CCNH: variants seen among roughly 807,000 people sequenced by gnomAD.
CCNH encodes the protein cyclin H, also known as cyclin-H.
In CCNH, 31 loss-of-function variants were observed where a neutral mutation model predicts 41.9. The observed-to-expected ratio is 0.74, with a 90% confidence interval of 0.56 to 1.00. The LOEUF is 1.00. Among genes scored for constraint, CCNH ranks in the 50% least tolerant of loss-of-function variants. The probability of loss-of-function intolerance (pLI) is 0.00; values close to 1 mark genes in which losing one functional copy is unlikely to be tolerated. For synonymous variants in CCNH, 138 were observed against 136.1 expected, an observed-to-expected ratio of 1.01 and a Z score of -0.10; for missense variants, 362 against 388.4, an observed-to-expected ratio of 0.93 and a Z score of 0.57.
At chr5:87,398,142 G>T (rs1252344402) in intron 7 of CCNH, among the ~76,000 whole-genome samples, 1 of 152,210 alleles carries the variant, frequency 6.6e-6, no homozygotes, top group Admixed American at 6.5e-5. Flanking sequence ...AGGAGTGAAT[G>T]AAATCCACCA....
chr5:87,372,292 A>G (rs2112480395), downstream of CCNH: 1 of 1,146,840 alleles, frequency 8.7e-7, no homozygotes, highest in Non-Finnish European at 1.3e-6. Context: ...TGGACATCAT[A>G]TGGGGTTAAG....
intron 9 of CCNH, among the ~76,000 whole-genome samples, chr5:87,359,931 G>A (rs190805086): frequency 8.5e-5 from 13 of 152,094 alleles, no homozygotes; most frequent in African/African-American, 2.9e-4. Context: ...TTCACCCTTC[G>A]TGCACAGACC....
chr5:87,354,614 A>G (rs1759517708), intron 9 of CCNH, among the ~76,000 whole-genome samples: 1 of 152,174 alleles, frequency 6.6e-6, no homozygotes, highest in African/African-American at 2.4e-5. Flanking sequence ...GGGCCAATTA[A>G]TAACCCTACA....
At chr5:87,365,493 T>C (rs1454262893) in intron 9 of CCNH, among the ~76,000 whole-genome samples, 2 of 152,156 alleles carry the variant, frequency 1.3e-5, no homozygotes, top group African/African-American at 4.8e-5. Flanking sequence ...TCATTTTGTT[T>C]CTTACCTTTT....
downstream of CCNH, among the ~76,000 whole-genome samples, chr5:87,375,836 A>G (rs1424144951): frequency 2.0e-5 from 3 of 152,196 alleles, no homozygotes; most frequent in African/African-American, 7.2e-5. Flanking sequence ...TCTCTATAAA[A>G]TGTTTATTCT....
intron 9 of CCNH, among the ~76,000 whole-genome samples, chr5:87,370,477 A>T (rs1760849131): frequency 6.6e-6 from 1 of 152,198 alleles, no homozygotes; most frequent in Non-Finnish European, 1.5e-5. Flanking sequence ...ATTTTGCAAC[A>T]AAGGGAGAAC....
exon 10 of CCNH, chr5:87,318,629 G>C (rs1219842575): frequency 4.6e-5 from 7 of 152,188 alleles, no homozygotes; most frequent in Admixed American, 4.6e-4. Flanking sequence ...CACGAGAGCA[G>C]CAAGGGGAAA....
chr5:87,373,559 G>A (rs544614763), downstream of CCNH, among the ~76,000 whole-genome samples: 70 of 152,110 alleles, frequency 4.6e-4, no homozygotes, highest in African/African-American at 1.5e-3. Context: ...TTAGAGGGAC[G>A]GATTTGTGCA....
At chr5:87,354,449 A>G (rs914068352) in intron 9 of CCNH, among the ~76,000 whole-genome samples, 1 of 152,040 alleles carries the variant, frequency 6.6e-6, no homozygotes, top group African/African-American at 2.4e-5. Context: ...TACTATTGCA[A>G]TTGTTTTGGG....
chr5:87,398,817 C>G (rs1261345092), intron 7 of CCNH, among the ~76,000 whole-genome samples: 1 of 151,734 alleles, frequency 6.6e-6, no homozygotes, highest in Non-Finnish European at 1.5e-5. Flanking sequence ...ACTAAAAATA[C>G]AAAAAATTAG....
chr5:87,321,833 T>C (rs1276079202), intron 9 of CCNH, among the ~76,000 whole-genome samples: 1 of 152,102 alleles, frequency 6.6e-6, no homozygotes, highest in Non-Finnish European at 1.5e-5. Flanking sequence ...AGACCCCCCA[T>C]AGGACCCTCT....
chr5:87,387,014 CAAA>C, downstream of CCNH: 2 of 1,040,194 alleles, frequency 1.9e-6, no homozygotes, highest in Non-Finnish European at 2.8e-6. Flanking sequence ...ACTAAAAAGA[CAAA>C]AAGCCTGCAA....
chr5:87,374,934 C>T, downstream of CCNH: 1 of 1,596,562 alleles, frequency 6.3e-7, no homozygotes. Flanking sequence ...GATACAGAAA[C>T]TTTCTAAAAT....
chr5:87,343,583 G>A (rs1758634337), intron 9 of CCNH, among the ~76,000 whole-genome samples: 1 of 152,172 alleles, frequency 6.6e-6, no homozygotes, highest in Non-Finnish European at 1.5e-5. Flanking sequence ...ATGCTAGTGA[G>A]GATGTGGAGA....
chr5:87,349,109 T>A, intron 9 of CCNH: 2 of 1,357,472 alleles, frequency 1.5e-6, no homozygotes, highest in Non-Finnish European at 2.0e-6. Context: ...CTGGTGAAAA[T>A]TTACATATGT....
chr5:87,391,498 C>CTCA (rs1762512520), downstream of CCNH: 1 of 237,960 alleles, frequency 4.2e-6, no homozygotes, highest in Non-Finnish European at 8.3e-6. Flanking sequence ...TGATCTATTG[C>CTCA]TCATCAGCTT....
At chr5:87,327,085 A>G (rs1317911678) in intron 9 of CCNH, among the ~76,000 whole-genome samples, 1 of 152,200 alleles carries the variant, frequency 6.6e-6, no homozygotes, top group Non-Finnish European at 1.5e-5. Flanking sequence ...ATATTAATTA[A>G]GCTAATATTT....
intron 7 of CCNH, among the ~76,000 whole-genome samples, chr5:87,397,268 C>T (rs1763043326): frequency 6.6e-6 from 1 of 151,752 alleles, no homozygotes; most frequent in African/African-American, 2.4e-5. Context: ...AAGCAGTTCT[C>T]CCTGCCTCAG....
downstream of CCNH, among the ~76,000 whole-genome samples, chr5:87,389,684 G>A (rs372279325): frequency 5.5e-4 from 83 of 152,216 alleles, 1 homozygote; most frequent in African/African-American, 1.9e-3. Context: ...CAGAAATAAC[G>A]GGCCCCGACT....
Sources: allele counts gnomAD v4.1 joint callset (sites outside exome capture counted in the v4.1 genomes callset), GRCh38; gene constraint gnomAD v4.1.1; transcripts MANE v1.5; gene names NCBI Gene and HGNC (gene_info 2026-07-23, HGNC 2026-07-21).